The following UBA3 variants were observed in gnomAD, a reference collection of about 807,000 sequenced individuals.
The protein encoded by UBA3 is ubiquitin like modifier activating enzyme 3, also known as NEDD8-activating enzyme E1 catalytic subunit.
Under a neutral mutation model 73.5 loss-of-function variants are expected in UBA3, and 26 were observed. That is an observed-to-expected ratio of 0.35 (90% CI 0.26 to 0.49). UBA3 has a LOEUF of 0.49. Ranked by LOEUF, UBA3 falls within the 20% of genes least tolerant of loss-of-function variation. The probability of loss-of-function intolerance (pLI) is 0.98; values close to 1 mark genes in which losing one functional copy is unlikely to be tolerated. For synonymous variants in UBA3, 217 were observed against 191.2 expected (o/e 1.13, Z -1.11); for missense variants, 495 against 555.6 (o/e 0.89, Z 1.10).
At chr3:69,064,850 T>C (rs1001712601) in intron 6 of UBA3, among the ~76,000 whole-genome samples, 3 of 152,196 alleles carry the variant, frequency 2.0e-5, no homozygotes, top group Admixed American at 2.0e-4. Flanking sequence ...TTATAAATTA[T>C]GCAACTTCTC....
At chr3:69,070,574 A>C (rs2092113124) in intron 5 of UBA3, among the ~76,000 whole-genome samples, 1 of 152,180 alleles carries the variant, frequency 6.6e-6, no homozygotes, top group South Asian at 2.1e-4. Context: ...CAAACCCCTC[A>C]ATATTACATA....
intron 4 of UBA3, among the ~76,000 whole-genome samples, chr3:69,073,761 G>A (rs552961729): frequency 7.3e-5 from 11 of 149,994 alleles, no homozygotes; most frequent in Non-Finnish European, 6.0e-5. Flanking sequence ...TCAGCCTCCC[G>A]AGTAGCTGGG....
In UBA3 at chr3:69,055,841, T is replaced by C. The variant is rs746295349; in HGVS notation, c.1303+10A>G. ...AGAAAATGATTAGTAAATACCCTTA[T>C]GTAAAATACCTTTCAATGTTTTGGA... On this transcript the variant is annotated intron_variant, in intron 17 of 17. Coordinates refer to ENST00000361055, the MANE Select transcript of UBA3 (RefSeq NM_003968.4). 2.5e-6 allele frequency: 4 copies of C among 1,608,126 alleles called. No homozygotes were observed. Among genetic ancestry groups the C allele is most frequent in the Non-Finnish European group, 3.4e-6 (4 of 1,177,508 alleles).
Position 69,064,085 on chromosome 3 carries a change from T to C in UBA3, c.455A>G (p.Asn152Ser), listed in dbSNP as rs745379565. Residue 152 changes from asparagine to serine, a missense_variant, in exon 7 of 18, where the codon AAC (asparagine) becomes AGC (serine). Coordinates refer to ENST00000361055, the MANE Select transcript of UBA3 (RefSeq NM_003968.4). ...AAACTTACGTCGATAGAAAGTGTCG[T>C]TAAAATCTTGAATCTTGTTGAAATG... is the stretch of plus-strand genomic sequence containing the variant. Reference protein sequence around the residue: ...VPHFNKIQDFNDTFYRQFHII... With the variant: ...VPHFNKIQDFSDTFYRQFHII... 9 of 1,603,962 alleles carry C rather than the reference T, an allele frequency of 5.6e-6. No homozygotes were observed. The highest frequency in any genetic ancestry group is 6.8e-6 in the Non-Finnish European group (8 of 1,176,524).
chr3:69,056,527 T>C, intron 14 of UBA3, 85 bp downstream of exon 14: 3 of 1,191,196 alleles, frequency 2.5e-6, no homozygotes, highest in Non-Finnish European at 3.6e-6. Flanking sequence ...AGAAAATGTA[T>C]GGGTGACTTT....
At chr3:69,078,117 C>T (rs1016754155) in intron 2 of UBA3, among the ~76,000 whole-genome samples, 199 bp from the exon 3 acceptor site, 16 of 152,274 alleles carry the variant, frequency 1.1e-4, no homozygotes, top group South Asian at 2.1e-4. Flanking sequence ...AAGAACTGCA[C>T]GTTTCTATTT....
chr3:69,057,293 G>A lies in UBA3; in HGVS notation c.927C>T (p.Ile309=), dbSNP rs779588898. 1.9e-6 allele frequency: 3 copies of A among 1,610,808 alleles called. No individual in the cohort carries two copies. Among genetic ancestry groups the A allele is most frequent in the Non-Finnish European group, 2.5e-6 (3 of 1,178,990 alleles). The change falls in exon 12 of 18, where the codon ATC becomes ATT. Residue 309 remains isoleucine, a synonymous_variant. Transcript: ENST00000361055. The stretch of plus-strand genomic sequence containing the variant: ...CATTTGTGGAAGCTACTGCAGGAAT[G>A]ATTCTTTTTACTACCCCTGAAAAAA... The part of the protein sequence containing the change: ...YRLTQGVVKR[I]IPAVASTNAV...
chr3:69,062,444 C>G (rs1396741217), intron 9 of UBA3, among the ~76,000 whole-genome samples: 1 of 152,136 alleles, frequency 6.6e-6, no homozygotes, highest in Non-Finnish European at 1.5e-5. Context: ...AAATACTGAA[C>G]AGATTTTCTC....
intron 17 of UBA3, 152 bp from the exon 18 acceptor site, chr3:69,055,677 TA>T: frequency 1.1e-6 from 1 of 905,308 alleles, no homozygotes; most frequent in Non-Finnish European, 1.7e-6. Context: ...TTAGAGATTT[TA>T]AAATATTCTA....
intron 4 of UBA3, among the ~76,000 whole-genome samples, chr3:69,074,559 C>T (rs540345473): frequency 6.6e-6 from 1 of 152,190 alleles, no homozygotes; most frequent in East Asian, 1.9e-4. Flanking sequence ...AACTTTAACC[C>T]CCTTGGCCAA....
chr3:69,062,224 T>G, intron 9 of UBA3, 45 bp from the exon 10 acceptor site: 1 of 1,280,880 alleles, frequency 7.8e-7, no homozygotes, highest in Non-Finnish European at 1.1e-6. Flanking sequence ...AAACGAATTA[T>G]TTTAAAATGC....
chr3:69,057,254 A>T lies in UBA3; in HGVS notation c.964+2T>A, dbSNP rs2091981919. On this transcript the variant is annotated splice_donor_variant, in intron 12 of 17. Coordinates refer to ENST00000361055, the MANE Select transcript of UBA3 (RefSeq NM_003968.4). LOFTEE classifies it high-confidence loss of function. ...ACTAAGTGATGGCCTTTTCTTCCTC[A>T]CCTGCAATGACTGCATTTGTGGAAG... is the stretch of plus-strand genomic sequence containing the variant. 6.2e-7 allele frequency: 1 copy of T among 1,609,554 alleles called. No homozygotes were observed. Among genetic ancestry groups the T allele is most frequent in the Non-Finnish European group, 8.5e-7 (1 of 1,179,052 alleles).
intron 11 of UBA3, among the ~76,000 whole-genome samples, chr3:69,059,957 A>C (rs2092008425): frequency 6.6e-6 from 1 of 152,214 alleles, no homozygotes. Flanking sequence ...TAGCATACCT[A>C]GGCTTCAGTA....
intron 4 of UBA3, among the ~76,000 whole-genome samples, 194 bp from the exon 5 acceptor site, chr3:69,071,811 T>C (rs2092124437): frequency 6.6e-6 from 1 of 152,220 alleles, no homozygotes; most frequent in South Asian, 2.1e-4. Flanking sequence ...GTACAATCAC[T>C]CAGTTTCAAA....
chr3:69,063,635 G>A lies in UBA3; in HGVS notation c.473-132C>T, dbSNP rs908767368. 4 of 759,530 alleles carry A rather than the reference G, an allele frequency of 5.3e-6. No individual in the cohort carries two copies. In the African/African-American group the frequency reaches 7.5e-5, roughly 14 times the overall value. 47.0% of individuals were successfully genotyped at this position (759,530 alleles called of 1,614,324 possible). A position where few individuals can be genotyped will look rare whatever the true frequency, so the allele number is the denominator to read the frequency against. On this transcript the variant is annotated intron_variant, in intron 7 of 17. Coordinates refer to ENST00000361055, the MANE Select transcript of UBA3 (RefSeq NM_003968.4). The stretch of plus-strand genomic sequence containing the variant: ...TGTTGATTAGGAAGGTAGTGTGTTT[G>A]TGGGAACAGGAAGCTCTATGAGAAC...
intron 11 of UBA3, among the ~76,000 whole-genome samples, chr3:69,059,302 G>A (rs2092002447): frequency 6.6e-6 from 1 of 152,182 alleles, no homozygotes. Context: ...ATCCAGCCAT[G>A]CAATTACCTG....
intron 5 of UBA3, chr3:69,071,325 C>T (rs2092120566): frequency 1.7e-5 from 7 of 423,422 alleles, no homozygotes; most frequent in Non-Finnish European, 2.9e-5. Flanking sequence ...AAAACAAAAA[C>T]ATGTATTTGT....
intron 1 of UBA3, 75 bp from the exon 2 acceptor site, chr3:69,080,228 C>T (rs2092207160): frequency 8.7e-6 from 4 of 459,610 alleles, no homozygotes; most frequent in Non-Finnish European, 1.6e-5. Context: ...GGCGAGGGGA[C>T]GGGGCGGGGG....
chr3:69,058,638 G>GAC (rs2091996952), intron 11 of UBA3, among the ~76,000 whole-genome samples: 1 of 152,196 alleles, frequency 6.6e-6, no homozygotes, highest in Non-Finnish European at 1.5e-5. Context: ...GGAAGTGGTA[G>GAC]ACACAAACAG....
Sources: allele counts gnomAD v4.1 joint callset (sites outside exome capture counted in the v4.1 genomes callset), GRCh38; gene constraint gnomAD v4.1.1; transcripts MANE v1.5; gene names NCBI Gene and HGNC (gene_info 2026-07-23, HGNC 2026-07-21).